CEP128: variants seen among roughly 807,000 people sequenced by gnomAD.
CEP128 encodes centrosomal protein 128.
In CEP128, 132 loss-of-function variants were observed where a neutral mutation model predicts 156.7. That is an observed-to-expected ratio of 0.84 (90% CI 0.73 to 0.97). CEP128 has a LOEUF of 0.97. CEP128 is among the 50% of genes least tolerant of loss of function. The pLI, the probability that CEP128 is intolerant of heterozygous loss-of-function variation, is 0.00. For missense variants in CEP128, 1,252 were observed against 1,281.9 expected, an observed-to-expected ratio of 0.98 and a Z score of 0.36; for synonymous variants, 469 against 448.9, an observed-to-expected ratio of 1.04 and a Z score of -0.57.
At chr14:80,508,854 C>T (rs1335530241) in intron 23 of CEP128, among the ~76,000 whole-genome samples, 1 of 152,042 alleles carries the variant, frequency 6.6e-6, no homozygotes, top group Non-Finnish European at 1.5e-5. Flanking sequence ...GTGCAATAAT[C>T]CTGTATTAAT....
At chr14:80,802,414 C>T (rs1414385629) in intron 13 of CEP128, among the ~76,000 whole-genome samples, 1 of 151,966 alleles carries the variant, frequency 6.6e-6, no homozygotes, top group African/African-American at 2.4e-5. Flanking sequence ...GGAAGCCATC[C>T]TCCTCAGCAA....
chr14:80,581,830 C>T (rs1891605367), intron 19 of CEP128, among the ~76,000 whole-genome samples: 1 of 152,188 alleles, frequency 6.6e-6, no homozygotes, highest in African/African-American at 2.4e-5. Context: ...CATTCCTCTT[C>T]CTGCATCCTC....
chr14:80,513,773 C>A (rs571453019), intron 23 of CEP128, among the ~76,000 whole-genome samples: 3 of 152,252 alleles, frequency 2.0e-5, no homozygotes, highest in African/African-American at 7.2e-5. Flanking sequence ...CATAACAGTA[C>A]AACACAAGGA....
At chr14:80,625,726 C>T (rs1024378064) in intron 19 of CEP128, among the ~76,000 whole-genome samples, 1 of 151,330 alleles carries the variant, frequency 6.6e-6, no homozygotes, top group African/African-American at 2.4e-5. Context: ...CTTCCCCTTC[C>T]CCTTTTCCTT....
intron 11 of CEP128, among the ~76,000 whole-genome samples, chr14:80,837,793 A>G (rs974954832): frequency 6.6e-6 from 1 of 152,260 alleles, no homozygotes; most frequent in African/African-American, 2.4e-5. Context: ...ATTAAAGACA[A>G]TGACGTTATT....
rs8005704 is a variant in CEP128 at position 80,901,159 on chromosome 14, T to C, written c.481-1130A>G. 9.9e-3 allele frequency among the ~76,000 whole-genome samples: 1,491 copies of C among 151,264 alleles called. 34 individuals carry two copies. Among genetic ancestry groups the C allele is most frequent in the African/African-American group, 0.034 (1,412 of 41,184 alleles). On this transcript the variant is annotated intron_variant, in intron 6 of 24. Transcript: ENST00000555265. ...AGGCGGAGCTTGCAGTGAGCCGAGA[T>C]CGCGCCACTGCACTCCAGCCTGGGC...
intron 2 of CEP128, among the ~76,000 whole-genome samples, chr14:80,932,788 CCTT>C (rs1171674568): frequency 6.6e-6 from 1 of 152,114 alleles, no homozygotes; most frequent in African/African-American, 2.4e-5. Context: ...CCAAAACCAT[CCTT>C]CTCTCTGCCT....
intron 20 of CEP128, among the ~76,000 whole-genome samples, chr14:80,561,764 G>A (rs1428364825): frequency 6.6e-6 from 1 of 152,016 alleles, no homozygotes; most frequent in African/African-American, 2.4e-5. Context: ...GAGATAAACT[G>A]ATAGCATTAT....
intron 16 of CEP128, among the ~76,000 whole-genome samples, chr14:80,768,171 C>T (rs990575683): frequency 2.0e-5 from 3 of 152,130 alleles, no homozygotes; most frequent in Non-Finnish European, 2.9e-5. Flanking sequence ...AATAACTTCT[C>T]GTGCTACAGT....
chr14:80,479,037 G>C (rs2140144143), intron 14 of CEP128, among the ~76,000 whole-genome samples: 1 of 152,278 alleles, frequency 6.6e-6, no homozygotes, highest in East Asian at 1.9e-4. Flanking sequence ...CAGGTTCTGA[G>C]GTTGACACTT....
At chr14:80,748,777 A>C (rs1899236513) in intron 18 of CEP128, among the ~76,000 whole-genome samples, 1 of 152,166 alleles carries the variant, frequency 6.6e-6, no homozygotes, top group Non-Finnish European at 1.5e-5. Context: ...GAAGAGTAAA[A>C]GGGACTTTGT....
intron 18 of CEP128, among the ~76,000 whole-genome samples, chr14:80,753,801 T>C (rs1566895212): frequency 1.3e-5 from 2 of 152,208 alleles, no homozygotes; most frequent in East Asian, 3.8e-4. Flanking sequence ...TTTATTCAGA[T>C]ACCAATCCCT....
In CEP128 at chr14:80,830,154, T is replaced by A. The variant is rs115213466; in HGVS notation, c.1209+989A>T. On this transcript the variant is annotated intron_variant, in intron 13 of 24. Coordinates refer to ENST00000555265, the MANE Select transcript of CEP128 (RefSeq NM_152446.5). ...AACTTTAAAAGTTGTATAATTACCA[T>A]TGCTCTGAGACAATTTCAAGTAAGT... 1,423 of 512,674 alleles carry A rather than the reference T, an allele frequency of 2.8e-3. 19 individuals carry two copies. Among genetic ancestry groups the A allele is most frequent in the African/African-American group, 0.025 (1,275 of 51,264 alleles). The allele number at this position is 512,674 out of a possible 1,614,324, so 31.8% of individuals were successfully genotyped here.
chr14:80,533,330 C>CT (rs1201906421), intron 21 of CEP128, among the ~76,000 whole-genome samples: 23 of 152,058 alleles, frequency 1.5e-4, no homozygotes, highest in Admixed American at 7.9e-4. Flanking sequence ...ACTTTATTTC[C>CT]TTTTTTTGTT....
intron 3 of CEP128, among the ~76,000 whole-genome samples, chr14:80,915,710 A>G (rs1233217984): frequency 6.6e-6 from 1 of 152,326 alleles, no homozygotes; most frequent in East Asian, 1.9e-4. Context: ...TAATTTCTCT[A>G]AAGGCACATG....
chr14:80,698,318 C>T (rs1896957342), intron 19 of CEP128, among the ~76,000 whole-genome samples: 1 of 151,950 alleles, frequency 6.6e-6, no homozygotes, highest in South Asian at 2.1e-4. Context: ...ATCTAAATAT[C>T]ACCAAGTAGA....
chr14:80,814,038 T>A (rs1212622235), intron 13 of CEP128, among the ~76,000 whole-genome samples: 1 of 152,218 alleles, frequency 6.6e-6, no homozygotes, highest in African/African-American at 2.4e-5. Context: ...TCTATTCTTC[T>A]TGTTTCCAAT....
chr14:80,804,499 C>T (rs767870056), intron 13 of CEP128, among the ~76,000 whole-genome samples: 1 of 152,052 alleles, frequency 6.6e-6, no homozygotes, highest in Non-Finnish European at 1.5e-5. Context: ...ATAATACTGA[C>T]CCTATGAACA....
rs1406617728 is a variant in CEP128 at position 80,506,386 on chromosome 14, GAGA to G, written c.3073-1369_3073-1367del. ...TCAGAAGGCAATCAGGAGTTTAAAGGAGAAGGATGACAAGCTTTGATTTATTTT... is the reference window on the plus strand; with the variant it reads ...TCAGAAGGCAATCAGGAGTTTAAAGGAGGATGACAAGCTTTGATTTATTTT... On this transcript the variant is annotated intron_variant, in intron 23 of 24. Transcript: ENST00000555265. 4.1e-5 allele frequency among the ~76,000 whole-genome samples: 6 copies of G among 145,020 alleles called. No homozygotes were observed. In the Admixed American group the frequency reaches 4.4e-4, roughly 11 times the overall value.
Sources: gnomAD v4.1 joint callset for allele counts (sites outside exome capture counted in the v4.1 genomes callset) on GRCh38, gnomAD v4.1.1 for gene constraint, MANE v1.5 for transcripts, NCBI Gene and HGNC (gene_info 2026-07-23, HGNC 2026-07-21) for gene names.